GNAI2: variants seen among roughly 807,000 people sequenced by gnomAD.
GNAI2 encodes the protein guanine nucleotide-binding protein G(i) subunit alpha-2.
In GNAI2, 4 loss-of-function variants were observed where a neutral mutation model predicts 36.8. The ratio of observed to expected loss-of-function variants is 0.11; its 90% CI spans 0.05 to 0.25. GNAI2 has a LOEUF of 0.25. Ranked by LOEUF, GNAI2 falls within the 10% of genes least tolerant of loss-of-function variation. The pLI is 1.00. For missense variants in GNAI2, 230 were observed against 481.3 expected, an observed-to-expected ratio of 0.48 and a Z score of 4.89; for synonymous variants, 194 against 194.1, an observed-to-expected ratio of 1.00 and a Z score of 0.01.
At position 50,238,948 on chromosome 3, in the gene GNAI2, C is replaced by A. The variant is rs1322693030; in HGVS notation, c.118+2495C>A. ...ACCGCCTCCCTCCCATCTTGGGTAG[C>A]CCTGCCAGCAGGCAGGCACAGTCCT... On this transcript the variant is annotated intron_variant, in intron 1 of 8. Coordinates refer to ENST00000313601, the MANE Select transcript of GNAI2 (RefSeq NM_002070.4). The surrounding 1 kb of genome is among the most constrained non-coding windows in gnomAD (Gnocchi z 5.0). 6.6e-6 allele frequency among the ~76,000 whole-genome samples: 1 copy of A among 152,226 alleles called. No individual in the cohort carries two copies. The highest frequency in any genetic ancestry group is 1.5e-5 in the Non-Finnish European group (1 of 68,042).
chr3:50,251,824 G>T, intron 1 of GNAI2: 1 of 1,284,538 alleles, frequency 7.8e-7, no homozygotes, highest in East Asian at 3.5e-5. Flanking sequence ...CCAGGACAGT[G>T]GGGAGCCATG....
At position 50,246,746 on chromosome 3, in the gene GNAI2, G is replaced by A. The variant is rs782487020; in HGVS notation, c.119-5354G>A. 3.0e-4 allele frequency: 134 copies of A among 440,510 alleles called. 1 individual carries two copies. Among genetic ancestry groups the A allele is most frequent in the Non-Finnish European group, 5.0e-4 (125 of 251,078 alleles). 27.3% of individuals were successfully genotyped at this position (440,510 alleles called of 1,614,324 possible). On this transcript the variant is annotated intron_variant, in intron 1 of 8. Coordinates refer to ENST00000313601, the MANE Select transcript of GNAI2 (RefSeq NM_002070.4). ...CCACCAGTATGGGGGTTCTCTCCAG[G>A]GAGGTGTGCCTGGCTTTCTGGGTGT...
Position 50,252,232 on chromosome 3 carries a change from C to A in GNAI2, c.161+90C>A. ...CACTGCCCCCGACTACAGGCCCAGC[C>A]AGTCTTAGCCAGGCCCAGAATCTTC... On this transcript the variant is annotated intron_variant, in intron 2 of 8. Coordinates refer to ENST00000313601, the MANE Select transcript of GNAI2 (RefSeq NM_002070.4). The surrounding 1 kb of genome is among the most constrained non-coding windows in gnomAD (Gnocchi z 4.1). The A allele has an allele frequency of 7.0e-7, 1 of 1,433,092 alleles. No homozygotes were observed. Among genetic ancestry groups the A allele is most frequent in the Non-Finnish European group, 9.8e-7 (1 of 1,020,984 alleles). The allele number at this position is 1,433,092 out of a possible 1,614,324, so 88.8% of individuals were successfully genotyped here. A position where few individuals can be genotyped will look rare whatever the true frequency, so the allele number is the denominator to read the frequency against.
At chr3:50,240,536 T>C (rs1251483793) in intron 1 of GNAI2, among the ~76,000 whole-genome samples, 1 of 152,186 alleles carries the variant, frequency 6.6e-6, no homozygotes, top group African/African-American at 2.4e-5. Context: ...GCAGGAGTCC[T>C]GCTCTCCACT....
chr3:50,258,910 AC>A lies in GNAI2; in HGVS notation c.*568del. The A allele has an allele frequency of 4.5e-6, 2 of 441,204 alleles. No homozygotes were observed. Among genetic ancestry groups the A allele is most frequent in the South Asian group, 1.6e-5 (1 of 60,782 alleles). 27.3% of individuals were successfully genotyped at this position (441,204 alleles called of 1,614,324 possible). On this transcript the variant is annotated 3_prime_UTR_variant, in exon 9 of 9. Coordinates refer to ENST00000313601, the MANE Select transcript of GNAI2 (RefSeq NM_002070.4). ...AATGAAAGTAAAGGAAAAAAAAAAA[AC>A]TGCAAATCTAGAAAACTTTTTAGAG...
At position 50,242,276 on chromosome 3, in the gene GNAI2, G is replaced by T. The variant is rs374689119; in HGVS notation, c.118+5823G>T. On this transcript the variant is annotated intron_variant, in intron 1 of 8. Coordinates refer to ENST00000313601, the MANE Select transcript of GNAI2 (RefSeq NM_002070.4). This position sits in a 1 kb window ranked among gnomAD's most constrained non-coding sequence, Gnocchi z 4.8. ...CCTCCCCTACATCCCGTTGTGCTGT[G>T]GGGGGAGGCAGGACCGGGCAGATGG... Among the ~76,000 whole-genome samples the T allele has an allele frequency of 2.4e-4, 36 of 152,208 alleles. No individual in the cohort carries two copies. The highest frequency in any genetic ancestry group is 1.5e-3 in the East Asian group (8 of 5,182).
At position 50,236,278 on chromosome 3, in the gene GNAI2, C is replaced by T; in HGVS notation, c.-58C>T. ...GGGAGCGGAGTGGGTCGGGCGGGGCCGAGCCGGGCCGTGGGCCGTGTGGGG... is the reference window on the plus strand; with the variant it reads ...GGGAGCGGAGTGGGTCGGGCGGGGCTGAGCCGGGCCGTGGGCCGTGTGGGG... On this transcript the variant is annotated 5_prime_UTR_variant, in exon 1 of 9. Coordinates refer to ENST00000313601, the MANE Select transcript of GNAI2 (RefSeq NM_002070.4). This position sits in a 1 kb window ranked among gnomAD's most constrained non-coding sequence, Gnocchi z 4.0. 11 of 1,240,320 alleles carry T rather than the reference C, an allele frequency of 8.9e-6. No individual in the cohort carries two copies. Among genetic ancestry groups the T allele is most frequent in the Non-Finnish European group, 1.1e-5 (11 of 991,470 alleles). 76.8% of individuals were successfully genotyped at this position (1,240,320 alleles called of 1,614,324 possible).
chr3:50,231,041 T>G, intron 1 of GNAI2: 3 of 713,918 alleles, frequency 4.2e-6, no homozygotes, highest in Non-Finnish European at 5.2e-6. Context: ...TCGCTAGCCC[T>G]TCCCCAGACC....
Position 50,236,300 on chromosome 3 carries a change from G to T in GNAI2, c.-36G>T. 7.5e-7 allele frequency: 1 copy of T among 1,329,464 alleles called. No homozygotes were observed. The highest frequency in any genetic ancestry group is 9.6e-7 in the Non-Finnish European group (1 of 1,041,688). 82.4% of individuals were successfully genotyped at this position (1,329,464 alleles called of 1,614,324 possible). On this transcript the variant is annotated 5_prime_UTR_variant, in exon 1 of 9. Coordinates refer to ENST00000313601, the MANE Select transcript of GNAI2 (RefSeq NM_002070.4). The surrounding 1 kb of genome is among the most constrained non-coding windows in gnomAD (Gnocchi z 4.0). ...GGCCGAGCCGGGCCGTGGGCCGTGT[G>T]GGGGCCGGGCGGCGGCCGGGCCGGC...
upstream of GNAI2, chr3:50,229,727 G>A (rs587630611): frequency 6.6e-6 from 1 of 152,440 alleles, no homozygotes; most frequent in South Asian, 2.1e-4. Context: ...CCTTCCACAT[G>A]ATTCAAAGAT....
Position 50,259,069 on chromosome 3 carries a change from C to CCCCTG in GNAI2, c.*736_*740dup, listed in dbSNP as rs1700788917. ...GCTGGCCGCCCCCGTGCGAGCGGCA[C>CCCCTG]CCCTGCCCTGCCCTCCACAGAATTG... On this transcript the variant is annotated 3_prime_UTR_variant, in exon 9 of 9. Transcript: ENST00000313601. The CCCCTG allele has an allele frequency of 5.1e-6, 2 of 393,470 alleles. No homozygotes were observed. Among genetic ancestry groups the CCCCTG allele is most frequent in the Admixed American group, 3.5e-5 (1 of 28,398 alleles). The allele number at this position is 393,470 out of a possible 1,614,324, so 24.4% of individuals were successfully genotyped here. A position where few individuals can be genotyped will look rare whatever the true frequency, so the allele number is the denominator to read the frequency against.
At chr3:50,231,730 C>CA (rs1462132700), upstream of GNAI2, among the ~76,000 whole-genome samples, 1 of 152,028 alleles carries the variant, frequency 6.6e-6, no homozygotes, top group Non-Finnish European at 1.5e-5. Context: ...AGCTCACAGC[C>CA]AGGGAATGAA....
intron 8 of GNAI2, 24 bp downstream of exon 8, chr3:50,257,738 G>A (rs1404448621): frequency 1.4e-6 from 2 of 1,391,090 alleles, no homozygotes; most frequent in Admixed American, 4.6e-5. Context: ...GCTGTGGCAG[G>A]GTGCTGGGGA....
Position 50,253,661 on chromosome 3 carries a change from G to A in GNAI2, c.464+477G>A, listed in dbSNP as rs782785844. On this transcript the variant is annotated intron_variant, in intron 4 of 8. Coordinates refer to ENST00000313601, the MANE Select transcript of GNAI2 (RefSeq NM_002070.4). This position sits in a 1 kb window ranked among gnomAD's most constrained non-coding sequence, Gnocchi z 4.2. ...CAGGAGGCTGAGGCAGGAGAATGGC[G>A]TGAACCTGGGAGGTGGAGCTTGCAG... Among the ~76,000 whole-genome samples the A allele has an allele frequency of 4.0e-4, 61 of 152,282 alleles. No individual in the cohort carries two copies. The highest frequency in any genetic ancestry group is 8.4e-4 in the African/African-American group (35 of 41,572).
chr3:50,254,185 G>A (rs9852677), intron 4 of GNAI2, among the ~76,000 whole-genome samples: 36,914 of 152,056 alleles, frequency 0.24, 8,470 homozygotes, highest in East Asian at 0.61. Context: ...TGTGGTATCT[G>A]TCATGTACTT....
chr3:50,251,810 C>G, intron 1 of GNAI2: 2 of 1,286,850 alleles, frequency 1.6e-6, no homozygotes, highest in Non-Finnish European at 2.0e-6. Context: ...CCAGCCAAGA[C>G]CCCCCAGGAC....
At chr3:50,237,730 G>C (rs1410445195) in intron 1 of GNAI2, among the ~76,000 whole-genome samples, 2 of 150,984 alleles carry the variant, frequency 1.3e-5, no homozygotes, top group East Asian at 3.9e-4. Flanking sequence ...AAGTAGGTGT[G>C]GTGCCCAGTG....
rs932434348 is a variant in GNAI2 at position 50,255,304 on chromosome 3, C to A, written c.465-888C>A. Among the ~76,000 whole-genome samples, 14 of 152,080 alleles carry A rather than the reference C, an allele frequency of 9.2e-5. No individual in the cohort carries two copies. The highest frequency in any genetic ancestry group is 9.2e-4 in the Admixed American group (14 of 15,280). ...GCAGAGGCAGGCCCTGCAGGGGTAG[C>A]CTTGATACTAATTAAGGGAACTGGT... On this transcript the variant is annotated intron_variant, in intron 4 of 8. Coordinates refer to ENST00000313601, the MANE Select transcript of GNAI2 (RefSeq NM_002070.4). This position sits in a 1 kb window ranked among gnomAD's most constrained non-coding sequence, Gnocchi z 4.0.
upstream of GNAI2, chr3:50,227,440 G>C (rs890199969): frequency 4.1e-5 from 14 of 341,924 alleles, no homozygotes; most frequent in Non-Finnish European, 5.8e-5. The surrounding 1 kb of genome is among the most constrained non-coding windows in gnomAD (Gnocchi z 5.9). Flanking sequence ...CGAGGCGGGG[G>C]CTGGGGCGCG....
Sources: allele counts gnomAD v4.1 joint callset (sites outside exome capture counted in the v4.1 genomes callset), GRCh38; gene constraint gnomAD v4.1.1; non-coding constraint Gnocchi (gnomAD v3.1); transcripts MANE v1.5; gene names NCBI Gene and HGNC (gene_info 2026-07-23, HGNC 2026-07-21).